The following ADAMTSL1 variants were observed in gnomAD, a reference collection of about 807,000 sequenced individuals.
ADAMTSL1 encodes the protein ADAMTS-like protein 1.
ADAMTSL1 carries 126 observed loss-of-function variants against 201.8 expected under a neutral mutation model. The ratio of observed to expected loss-of-function variants is 0.62; its 90% CI spans 0.54 to 0.72. The LOEUF (loss-of-function observed/expected upper bound fraction) is 0.72, where lower values mean the gene tolerates loss of function less well. ADAMTSL1 is among the 30% of genes least tolerant of loss of function. The probability of loss-of-function intolerance (pLI) is 0.00; values close to 1 mark genes in which losing one functional copy is unlikely to be tolerated. For synonymous variants in ADAMTSL1, 1,121 were observed against 903.4 expected (o/e 1.24, Z -4.32); for missense variants, 2,679 against 2,277.8 (o/e 1.18, Z -3.59).
rs1434048820 is a variant in ADAMTSL1, at chr9:18,093,218, GA to G, written c.88-70636del. On this transcript the variant is annotated intron_variant, in intron 1 of 29. Coordinates refer to the ADAMTSL1 transcript ENST00000680146. ...TACTATTTAGAAGAAATATAGTAAA[GA>G]AAAAAAATCTGCAGTATTTTTCAAA... is the stretch of plus-strand genomic sequence containing the variant. Among the ~76,000 whole-genome samples the G allele has an allele frequency of 5.9e-5, 9 of 151,938 alleles. No individual in the cohort carries two copies. In the South Asian group the frequency reaches 8.3e-4, roughly 14 times the overall value.
intron 2 of ADAMTSL1, among the ~76,000 whole-genome samples, chr9:18,403,273 T>C (rs541226754): frequency 5.3e-5 from 8 of 152,212 alleles, no homozygotes; most frequent in African/African-American, 1.7e-4. Context: ...AACCTTCGCC[T>C]CCTGGGTTTA....
At chr9:18,863,797 AGAGTGAGGCCC>A (rs1303980266) in intron 23 of ADAMTSL1, among the ~76,000 whole-genome samples, 2 of 152,200 alleles carry the variant, frequency 1.3e-5, no homozygotes, top group African/African-American at 4.8e-5. Flanking sequence ...CCATGGCCTT[AGAGTGAGGCCC>A]GTACACACCA....
At chr9:18,322,489 C>T (rs1287974435) in intron 2 of ADAMTSL1, among the ~76,000 whole-genome samples, 2 of 151,932 alleles carry the variant, frequency 1.3e-5, no homozygotes, top group African/African-American at 4.8e-5. Flanking sequence ...AAAAATTAGC[C>T]AAACGTGGTG....
At chr9:17,993,831 A>C (rs1819263806) in intron 1 of ADAMTSL1, among the ~76,000 whole-genome samples, 1 of 152,150 alleles carries the variant, frequency 6.6e-6, no homozygotes, top group Admixed American at 6.5e-5. Context: ...AAAACTATAC[A>C]TCCATCTCTT....
chr9:18,724,414 AT>A (rs1305658597), intron 15 of ADAMTSL1, among the ~76,000 whole-genome samples: 1 of 152,222 alleles, frequency 6.6e-6, no homozygotes, highest in Non-Finnish European at 1.5e-5. Context: ...TCAGAAGCAC[AT>A]GTCTAACTTT....
At chr9:18,899,365 A>T (rs1035375477) in intron 26 of ADAMTSL1, among the ~76,000 whole-genome samples, 8 of 152,246 alleles carry the variant, frequency 5.3e-5, no homozygotes, top group African/African-American at 1.9e-4. Flanking sequence ...GAAAATGGCC[A>T]TACTGCCCAA....
At chr9:18,033,472 T>C (rs920048964) in intron 1 of ADAMTSL1, among the ~76,000 whole-genome samples, 24 of 152,214 alleles carry the variant, frequency 1.6e-4, no homozygotes, top group African/African-American at 5.5e-4. Flanking sequence ...TTCCATTGAG[T>C]GAAGCTCCTC....
chr9:17,946,532 A>C (rs1363987786), intron 1 of ADAMTSL1, among the ~76,000 whole-genome samples: 1 of 151,946 alleles, frequency 6.6e-6, no homozygotes, highest in Non-Finnish European at 1.5e-5. Context: ...TGTTTGACTA[A>C]ATTTAGAGGC....
At chr9:18,687,219 C>T (rs1472471413) in intron 13 of ADAMTSL1, among the ~76,000 whole-genome samples, 5 of 152,162 alleles carry the variant, frequency 3.3e-5, no homozygotes, top group Non-Finnish European at 5.9e-5. Flanking sequence ...CCCTAAGAAA[C>T]GTCCTAAGTG....
chr9:18,181,162 A>G (rs1828456547), intron 2 of ADAMTSL1, among the ~76,000 whole-genome samples: 1 of 152,244 alleles, frequency 6.6e-6, no homozygotes, highest in African/African-American at 2.4e-5. Context: ...CTTAAATGTT[A>G]GACCTAAAAC....
chr9:18,413,548 C>T (rs1028978653), intron 2 of ADAMTSL1, among the ~76,000 whole-genome samples: 11 of 152,098 alleles, frequency 7.2e-5, no homozygotes, highest in Non-Finnish European at 1.6e-4. Context: ...TCAGCTGTGA[C>T]TTCAACAAAA....
chr9:18,528,566 C>A (rs1001365232), intron 2 of ADAMTSL1, among the ~76,000 whole-genome samples: 4 of 152,084 alleles, frequency 2.6e-5, no homozygotes, highest in African/African-American at 9.7e-5. Flanking sequence ...CATAGTATTC[C>A]ATGGTGTATA....
chr9:18,725,905 G>T (rs1248419272), intron 15 of ADAMTSL1, among the ~76,000 whole-genome samples: 1 of 152,034 alleles, frequency 6.6e-6, no homozygotes, highest in Non-Finnish European at 1.5e-5. Flanking sequence ...ATTTGATTTT[G>T]CCATTTAATA....
intron 2 of ADAMTSL1, among the ~76,000 whole-genome samples, chr9:18,369,134 CT>C (rs1401610856): frequency 2.0e-5 from 3 of 152,082 alleles, no homozygotes; most frequent in African/African-American, 7.2e-5. Context: ...TAATGTAATC[CT>C]TTTTAAAAGA....
At chr9:18,233,067 A>G (rs1322208571) in intron 2 of ADAMTSL1, among the ~76,000 whole-genome samples, 1 of 152,208 alleles carries the variant, frequency 6.6e-6, no homozygotes, top group African/African-American at 2.4e-5. Flanking sequence ...TTCCTCAAGC[A>G]CAGAGCTTGT....
chr9:17,915,533 C>A (rs553375478), intron 1 of ADAMTSL1, among the ~76,000 whole-genome samples: 3 of 152,242 alleles, frequency 2.0e-5, no homozygotes, highest in Admixed American at 2.0e-4. Flanking sequence ...CATTTATGTA[C>A]AAGTCTTTGT....
At chr9:18,776,676 C>A in intron 18 of ADAMTSL1, 105 bp from the exon 19 acceptor site, 3 of 1,275,764 alleles carry the variant, frequency 2.4e-6, no homozygotes, top group Non-Finnish European at 3.1e-6. Context: ...CTTCTCTTCT[C>A]CACTCTGGCT....
At chr9:18,494,651 C>A (rs1563995681) in intron 1 of ADAMTSL1, among the ~76,000 whole-genome samples, 1 of 152,132 alleles carries the variant, frequency 6.6e-6, no homozygotes, top group African/African-American at 2.4e-5. Flanking sequence ...GATTTAGGGC[C>A]AGTTTATGAA....
chr9:18,367,375 A>ATT (rs34948243), intron 2 of ADAMTSL1, among the ~76,000 whole-genome samples: 5 of 148,584 alleles, frequency 3.4e-5, no homozygotes, highest in African/African-American at 1.2e-4. Context: ...AGAAGATAAG[A>ATT]TTTTTTTTTT....
Sources: gnomAD v4.1 joint callset for allele counts (sites outside exome capture counted in the v4.1 genomes callset) on GRCh38, gnomAD v4.1.1 for gene constraint, MANE v1.5 for transcripts, NCBI Gene and HGNC (gene_info 2026-07-23, HGNC 2026-07-21) for gene names.